Variants in NAALADL2 observed in about 807,000 individuals in gnomAD.
NAALADL2 encodes N-acetylated alpha-linked acidic dipeptidase like 2, also known as inactive N-acetylated-alpha-linked acidic dipeptidase-like protein 2.
In NAALADL2, 76 loss-of-function variants were observed where a neutral mutation model predicts 87.2. The ratio of observed to expected loss-of-function variants is 0.87; its 90% confidence interval spans 0.72 to 1.05. NAALADL2 has a LOEUF of 1.05. NAALADL2 is among the 50% of genes least tolerant of loss of function. The pLI, the probability that NAALADL2 is intolerant of heterozygous loss-of-function variation, is 0.00. For synonymous variants in NAALADL2, 354 were observed against 331.0 expected (o/e 1.07, Z -0.75); for missense variants, 1,089 against 945.8 (o/e 1.15, Z -1.99).
intron 11 of NAALADL2, among the ~76,000 whole-genome samples, chr3:175,635,501 G>A (rs557727538): frequency 6.6e-6 from 1 of 152,186 alleles, no homozygotes; most frequent in East Asian, 1.9e-4. Context: ...AAATCAGAAT[G>A]GAAAGTTCTT....
rs16824931 is a variant in NAALADL2 at position 175,233,126 on chromosome 3, G to A, written c.546-805G>A. Among the ~76,000 whole-genome samples, 654 of 152,092 alleles carry A rather than the reference G, an allele frequency of 4.3e-3. 4 individuals carry two copies. Among genetic ancestry groups the A allele is most frequent in the South Asian group, 0.012 (60 of 4,814 alleles). ...GTTTGGCAATCTCTGTTTTTGTTTC[G>A]GTTTTATTGGAAAACATTGTGCTCA... On this transcript the variant is annotated intron_variant, in intron 2 of 13. Transcript: ENST00000454872.
At chr3:175,213,299 T>C (rs941550963) in intron 2 of NAALADL2, among the ~76,000 whole-genome samples, 1 of 151,760 alleles carries the variant, frequency 6.6e-6, no homozygotes, top group Non-Finnish European at 1.5e-5. Context: ...CACTGAAAAA[T>C]AAGGTTTGGT....
chr3:175,029,778 A>T (rs1348022107), intron 1 of NAALADL2, among the ~76,000 whole-genome samples: 1 of 152,052 alleles, frequency 6.6e-6, no homozygotes, highest in African/African-American at 2.4e-5. Context: ...ATGCCACAAA[A>T]ATTATCCTCC....
At chr3:175,065,861 A>C (rs1184821816) in intron 1 of NAALADL2, among the ~76,000 whole-genome samples, 2 of 152,238 alleles carry the variant, frequency 1.3e-5, no homozygotes, top group Admixed American at 1.3e-4. Flanking sequence ...TTCTGAATTT[A>C]GTTATGTAAG....
chr3:174,455,252 A>G (rs933039664), intron 1 of NAALADL2, among the ~76,000 whole-genome samples: 3 of 152,136 alleles, frequency 2.0e-5, no homozygotes, highest in African/African-American at 7.2e-5. Flanking sequence ...TACCAAACAA[A>G]CAAAAATTCC....
At chr3:174,478,868 C>T (rs748111238) in intron 1 of NAALADL2, among the ~76,000 whole-genome samples, 2 of 152,132 alleles carry the variant, frequency 1.3e-5, no homozygotes, top group African/African-American at 4.8e-5. Flanking sequence ...TGTGCCACCA[C>T]ACCCAGCTAA....
chr3:174,753,029 G>T (rs1333103664), intron 3 of NAALADL2, among the ~76,000 whole-genome samples: 2 of 152,228 alleles, frequency 1.3e-5, no homozygotes, highest in East Asian at 1.9e-4. Context: ...TTATATTTGT[G>T]CATGTGTGTT....
chr3:174,934,303 T>A (rs1259459876), intron 1 of NAALADL2, among the ~76,000 whole-genome samples: 2 of 152,198 alleles, frequency 1.3e-5, no homozygotes, highest in African/African-American at 4.8e-5. Flanking sequence ...GGATTACATG[T>A]CAAATGAGCA....
chr3:174,519,020 A>G lies in NAALADL2; in HGVS notation c.-183-31549A>G, dbSNP rs544139560. On this transcript the variant is annotated intron_variant, in intron 1 of 3. Coordinates refer to the NAALADL2 transcript ENST00000434257. ...TAGAATATCTCTGAGTTAACAAGGT[A>G]TCTCTCTGTATTTCTTTATCTCTCT... 6.6e-5 allele frequency among the ~76,000 whole-genome samples: 10 copies of G among 152,334 alleles called. No homozygotes were observed. In the East Asian group the frequency reaches 1.7e-3, roughly 26 times the overall value.
intron 2 of NAALADL2, chr3:175,115,233 CT>C (rs1724910896): frequency 6.6e-6 from 1 of 151,536 alleles, no homozygotes; most frequent in Non-Finnish European, 1.5e-5. Context: ...CTTGCCTTGT[CT>C]GTCATAGGCC....
chr3:174,543,522 T>A (rs560965387), intron 1 of NAALADL2, among the ~76,000 whole-genome samples: 2 of 152,284 alleles, frequency 1.3e-5, no homozygotes, highest in East Asian at 3.9e-4. Context: ...TGTTTTATAG[T>A]CTATGTCGTT....
intron 1 of NAALADL2, among the ~76,000 whole-genome samples, chr3:174,900,411 CAATA>C (rs1472701663): frequency 1.3e-5 from 2 of 151,836 alleles, no homozygotes; most frequent in Admixed American, 1.3e-4. Flanking sequence ...CAAATAAAAA[CAATA>C]GAGTACACTG....
At chr3:174,990,549 A>G (rs1000527367) in intron 1 of NAALADL2, among the ~76,000 whole-genome samples, 1 of 152,152 alleles carries the variant, frequency 6.6e-6, no homozygotes, top group Non-Finnish European at 1.5e-5. Context: ...GTGGTTTTAA[A>G]TAAGCATAGC....
At chr3:174,828,786 T>G (rs1271429978) in intron 3 of NAALADL2, among the ~76,000 whole-genome samples, 3 of 152,110 alleles carry the variant, frequency 2.0e-5, no homozygotes, top group Admixed American at 2.0e-4. Flanking sequence ...CAGTCCAGGG[T>G]GCAAAACTCT....
intron 1 of NAALADL2, among the ~76,000 whole-genome samples, chr3:174,516,624 A>G (rs1006040752): frequency 2.6e-5 from 4 of 152,106 alleles, no homozygotes; most frequent in Admixed American, 6.5e-5. Flanking sequence ...AAGGCTTTCT[A>G]TGAAATTATT....
intron 1 of NAALADL2, among the ~76,000 whole-genome samples, chr3:175,088,642 A>G (rs9818021): frequency 0.027 from 4,123 of 152,354 alleles, 182 homozygotes; most frequent in African/African-American, 0.092. Context: ...AGTACCTTTG[A>G]AACATCTGAC....
chr3:174,447,175 T>C (rs1715121331), intron 1 of NAALADL2, among the ~76,000 whole-genome samples: 1 of 152,174 alleles, frequency 6.6e-6, no homozygotes, highest in Admixed American at 6.6e-5. Context: ...TCAGCCCTTT[T>C]GTAATATGTC....
chr3:174,665,861 T>G (rs948466694), intron 2 of NAALADL2, among the ~76,000 whole-genome samples: 5 of 152,318 alleles, frequency 3.3e-5, no homozygotes, highest in East Asian at 1.9e-4. Context: ...CCAGCAATCC[T>G]TGGTGTTGCT....
chr3:175,531,459 GT>G (rs1489508011), intron 9 of NAALADL2, among the ~76,000 whole-genome samples: 9 of 152,212 alleles, frequency 5.9e-5, no homozygotes, highest in Non-Finnish European at 1.5e-5. Context: ...AGTCTGGTGT[GT>G]TTGCTGCTTC....
Sources: allele counts gnomAD v4.1 joint callset (sites outside exome capture counted in the v4.1 genomes callset), GRCh38; gene constraint gnomAD v4.1.1; transcripts MANE v1.5; gene names NCBI Gene and HGNC (gene_info 2026-07-23, HGNC 2026-07-21).